SERPINB5: variants seen among roughly 807,000 people sequenced by gnomAD.
SERPINB5 encodes the protein serpin B5.
In SERPINB5, 27 loss-of-function variants were observed where a neutral mutation model predicts 32.2. That is an observed-to-expected ratio of 0.84 (90% confidence interval 0.62 to 1.16). SERPINB5 has a LOEUF of 1.16. SERPINB5 is among the 50% of genes most tolerant of loss of function. The pLI, the probability that SERPINB5 is intolerant of heterozygous loss-of-function variation, is 0.00. For synonymous variants in SERPINB5, 154 were observed against 157.4 expected, an observed-to-expected ratio of 0.98 and a Z score of 0.16; for missense variants, 388 against 436.3, an observed-to-expected ratio of 0.89 and a Z score of 0.99.
At chr18:63,502,387 G>A (rs1251784803) in intron 6 of SERPINB5, among the ~76,000 whole-genome samples, 2 of 151,850 alleles carry the variant, frequency 1.3e-5, no homozygotes, top group South Asian at 2.1e-4. Flanking sequence ...CACCCACCTC[G>A]GCTTCCCAAA....
rs902577366 is a variant in SERPINB5, at chr18:63,504,168, C to T, written c.*446C>T. ...AAGAAAGTGTAGTGCATGGGACCCACGAAACTGCCCTGGCTCCAGTGAAAC... is the reference window on the plus strand; with the variant it reads ...AAGAAAGTGTAGTGCATGGGACCCATGAAACTGCCCTGGCTCCAGTGAAAC... On this transcript the variant is annotated 3_prime_UTR_variant, in exon 7 of 7. Transcript: ENST00000382771. 3.0e-5 allele frequency: 5 copies of T among 168,292 alleles called. No individual in the cohort carries two copies. The highest frequency in any genetic ancestry group is 3.8e-5 in the Non-Finnish European group (3 of 79,774). The allele number at this position is 168,292 out of a possible 1,614,324, so 10.4% of individuals were successfully genotyped here.
chr18:63,503,880 G>GA lies in SERPINB5; in HGVS notation c.*159dup. 1.6e-6 allele frequency: 1 copy of GA among 620,958 alleles called. No homozygotes were observed. Among genetic ancestry groups the GA allele is most frequent in the Non-Finnish European group, 2.7e-6 (1 of 370,644 alleles). The allele number at this position is 620,958 out of a possible 1,614,324, so 38.5% of individuals were successfully genotyped here. ...GTCATATGTAGCCTTCACACAGATA[G>GA]ACCTTTTTTTTTTTTCCAATTCTAT... On this transcript the variant is annotated 3_prime_UTR_variant, in exon 7 of 7. Transcript: ENST00000382771.
chr18:63,484,548 A>G lies in SERPINB5; in HGVS notation c.120A>G (p.Ser40=), dbSNP rs113058642. 15 of 1,613,994 alleles carry G rather than the reference A, an allele frequency of 9.3e-6. No individual in the cohort carries two copies. The South Asian group carries it at 1.3e-4, about 14-fold the overall frequency. Residue 40 remains serine (S), a synonymous_variant, in exon 2 of 7, where the codon TCA becomes TCG. Coordinates refer to ENST00000382771, the MANE Select transcript of SERPINB5 (RefSeq NM_002639.5). ...CAATCTGTCTCTCCACCTCTCTGTC[A>G]CTTGCTCAAGTGGGTGCTAAAGGTG... ...FSPICLSTSL[S]LAQVGAKGDT... is the part of the protein sequence containing the mutation.
intron 3 of SERPINB5, among the ~76,000 whole-genome samples, chr18:63,488,059 A>G: frequency 6.6e-6 from 1 of 152,168 alleles, no homozygotes; most frequent in East Asian, 1.9e-4. Flanking sequence ...CTGAGCATAC[A>G]ACATTTCTAG....
chr18:63,497,012 T>C (rs924487062), intron 5 of SERPINB5: 16 of 536,460 alleles, frequency 3.0e-5, no homozygotes, highest in Non-Finnish European at 5.1e-5. Flanking sequence ...GGGCATTACT[T>C]ATTTCTCCAG....
At chr18:63,499,701 G>T (rs1254246864) in intron 6 of SERPINB5, among the ~76,000 whole-genome samples, 1 of 152,162 alleles carries the variant, frequency 6.6e-6, no homozygotes, top group African/African-American at 2.4e-5. Flanking sequence ...CTTAACTGAA[G>T]GCTAGAGTGT....
Position 63,489,419 on chromosome 18 carries a change from G to T in SERPINB5, c.379G>T (p.Glu127Ter). ...TGTTGACTTCAAAGATAAATTGGAA[G>T]AAACGAAAGGTCAGATCAACAACTC... Reference protein sequence around the residue: ...ETVDFKDKLEETKGQINNSIK... With the variant: ...ETVDFKDKLE The change falls in exon 4 of 7, where the codon GAA (glutamate) becomes TAA (stop). Residue 127 changes from glutamate to a stop codon, truncating the protein, a stop_gained. Transcript: ENST00000382771. LOFTEE classifies it high-confidence loss of function. 6.2e-7 allele frequency: 1 copy of T among 1,613,212 alleles called. No individual in the cohort carries two copies. The highest frequency in any genetic ancestry group is 1.7e-4 in the Middle Eastern group (1 of 6,058).
rs1917099628 is a variant in SERPINB5 at position 63,479,942 on chromosome 18, C to G, written c.-8+2897C>G. ...CAGGACATGCAGGATTTTTGGAACT[C>G]GAGAGACTTCTGAGAGAACAAATGC... On this transcript the variant is annotated intron_variant, in intron 1 of 6. Transcript: ENST00000382771. Among the ~76,000 whole-genome samples, 7 of 152,240 alleles carry G rather than the reference C, an allele frequency of 4.6e-5. No homozygotes were observed. The South Asian group carries it at 1.5e-3, about 32-fold the overall frequency.
At chr18:63,497,006 A>G (rs952307084) in intron 5 of SERPINB5, 58 of 530,302 alleles carry the variant, frequency 1.1e-4, no homozygotes, top group African/African-American at 9.9e-4. Context: ...CCACCGGGGC[A>G]TTACTTATTT....
intron 4 of SERPINB5, among the ~76,000 whole-genome samples, chr18:63,491,102 C>T (rs1242325751): frequency 1.3e-5 from 2 of 152,138 alleles, no homozygotes; most frequent in Non-Finnish European, 2.9e-5. Context: ...AGTTACTTCA[C>T]TTAGAATAAT....
intron 6 of SERPINB5, among the ~76,000 whole-genome samples, chr18:63,500,415 A>G (rs1208207276): frequency 1.3e-5 from 2 of 152,140 alleles, no homozygotes. Flanking sequence ...ATGAGATTTT[A>G]ATACGTACAC....
chr18:63,499,344 T>C, intron 6 of SERPINB5, 57 bp downstream of exon 6: 2 of 1,400,956 alleles, frequency 1.4e-6, no homozygotes, highest in South Asian at 3.7e-5. Context: ...CAAAGAGTTG[T>C]GCCAACAGGT....
chr18:63,477,853 G>GC (rs1156345180), intron 1 of SERPINB5, among the ~76,000 whole-genome samples: 1 of 152,114 alleles, frequency 6.6e-6, no homozygotes, highest in Non-Finnish European at 1.5e-5. Context: ...TTTCAGCCCA[G>GC]CCCCCTCATT....
Position 63,504,067 on chromosome 18 carries a change from C to T in SERPINB5, c.*345C>T, listed in dbSNP as rs909873445. On this transcript the variant is annotated 3_prime_UTR_variant, in exon 7 of 7. Coordinates refer to ENST00000382771, the MANE Select transcript of SERPINB5 (RefSeq NM_002639.5). ...AATTCCTATAAGGAAGATTTGGAAG[C>T]TCTTCTTCCCAGCACTATGCTTTCC... is the stretch of plus-strand genomic sequence containing the variant. The T allele has an allele frequency of 7.1e-5, 19 of 267,840 alleles. No individual in the cohort carries two copies. The highest frequency in any genetic ancestry group is 3.9e-4 in the African/African-American group (17 of 43,254). The allele number at this position is 267,840 out of a possible 1,614,324, so 16.6% of individuals were successfully genotyped here.
chr18:63,488,225 T>C (rs1246660816), intron 3 of SERPINB5, among the ~76,000 whole-genome samples: 1 of 152,194 alleles, frequency 6.6e-6, no homozygotes, highest in Non-Finnish European at 1.5e-5. Flanking sequence ...CCAAGGTTGA[T>C]TTGCAATTAA....
At chr18:63,493,177 A>T (rs1256611442) in intron 5 of SERPINB5, 82 bp downstream of exon 5, 1 of 1,588,140 alleles carries the variant, frequency 6.3e-7, no homozygotes, top group South Asian at 1.1e-5. Context: ...GCATAAATCC[A>T]TTCCAATGAG....
chr18:63,491,356 C>T (rs1256225400), intron 4 of SERPINB5, among the ~76,000 whole-genome samples: 8 of 140,208 alleles, frequency 5.7e-5, no homozygotes, highest in African/African-American at 1.6e-4. Context: ...GAGCTGAGAT[C>T]GCGCCATTGC....
intron 5 of SERPINB5, chr18:63,497,114 C>T: frequency 1.6e-6 from 1 of 615,974 alleles, no homozygotes; most frequent in South Asian, 1.4e-5. Flanking sequence ...AGCCTTCCTA[C>T]AGCAGCTCCC....
intron 3 of SERPINB5, among the ~76,000 whole-genome samples, chr18:63,487,813 G>A (rs1917239150): frequency 6.6e-6 from 1 of 152,024 alleles, no homozygotes; most frequent in South Asian, 2.1e-4. Context: ...CTGTTTGGAT[G>A]GTCAGAATTT....
Sources: gnomAD v4.1 joint callset for allele counts (sites outside exome capture counted in the v4.1 genomes callset) on GRCh38, gnomAD v4.1.1 for gene constraint, MANE v1.5 for transcripts, NCBI Gene and HGNC (gene_info 2026-07-23, HGNC 2026-07-21) for gene names.